Variants in ZNF438 observed in about 807,000 individuals in gnomAD.
ZNF438 encodes zinc finger protein 438.
Under a neutral mutation model 38.0 loss-of-function variants are expected in ZNF438, and 25 were observed. The ratio of observed to expected loss-of-function variants is 0.66; its 90% CI spans 0.48 to 0.92. ZNF438 has a LOEUF of 0.92. ZNF438 is among the 40% of genes least tolerant of loss of function. The pLI is 0.00. For missense variants in ZNF438, 1,007 were observed against 999.6 expected (o/e 1.01, Z -0.10); for synonymous variants, 372 against 364.1 (o/e 1.02, Z -0.25).
chr10:30,877,047 G>T, exon 4 of ZNF438: 3 of 1,598,290 alleles, frequency 1.9e-6, no homozygotes, highest in Non-Finnish European at 2.6e-6. Context: ...TGATGTACTG[G>T]ACTTGAATAG....
chr10:30,924,740 C>T (rs150190818), intron 2 of ZNF438, among the ~76,000 whole-genome samples: 3 of 152,002 alleles, frequency 2.0e-5, no homozygotes, highest in African/African-American at 4.8e-5. Context: ...CCCTGAAAGA[C>T]AAGAAAAGAT....
intron 1 of ZNF438, among the ~76,000 whole-genome samples, chr10:30,973,214 A>G (rs987322340): frequency 2.0e-5 from 3 of 152,160 alleles, no homozygotes; most frequent in African/African-American, 7.2e-5. Context: ...CACACATTCT[A>G]TTATTCTCCC....
intron 1 of ZNF438, among the ~76,000 whole-genome samples, chr10:30,992,838 C>A (rs904658405): frequency 6.6e-6 from 1 of 152,210 alleles, no homozygotes; most frequent in Non-Finnish European, 1.5e-5. Flanking sequence ...ATAAAGGCCA[C>A]ACTTGTCACA....
intron 1 of ZNF438, among the ~76,000 whole-genome samples, chr10:31,005,551 A>G (rs2055047686): frequency 6.6e-6 from 1 of 152,206 alleles, no homozygotes; most frequent in South Asian, 2.1e-4. Flanking sequence ...ACAAAGCTGC[A>G]GATACGCAGG....
chr10:30,850,359 T>C (rs767392937), exon 5 of ZNF438: 6 of 1,611,090 alleles, frequency 3.7e-6, no homozygotes, highest in East Asian at 2.2e-5. Context: ...GAAGGGATGT[T>C]TGATTCACCT....
chr10:31,025,170 AAAAAT>A (rs1005667472), intron 1 of ZNF438, among the ~76,000 whole-genome samples: 2 of 152,256 alleles, frequency 1.3e-5, no homozygotes, highest in African/African-American at 4.8e-5. Context: ...AAAAAAATAA[AAAAAT>A]AAAAAAGGAG....
intron 1 of ZNF438, among the ~76,000 whole-genome samples, chr10:30,989,467 T>C (rs1039863283): frequency 2.0e-5 from 3 of 152,218 alleles, no homozygotes; most frequent in Non-Finnish European, 2.9e-5. Flanking sequence ...ACCAGAATGA[T>C]ACATAACCCA....
At chr10:30,860,918 G>A (rs1175478356) in intron 4 of ZNF438, among the ~76,000 whole-genome samples, 2 of 152,136 alleles carry the variant, frequency 1.3e-5, no homozygotes, top group African/African-American at 4.8e-5. Context: ...GGGGGATGGG[G>A]CCCAGAGTGG....
chr10:30,880,875 A>G (rs1363872190), intron 3 of ZNF438, among the ~76,000 whole-genome samples: 1 of 151,510 alleles, frequency 6.6e-6, no homozygotes, highest in Non-Finnish European at 1.5e-5. Flanking sequence ...TTATAAAAGA[A>G]AACTACATGA....
At chr10:31,003,118 A>T (rs1589679530) in intron 1 of ZNF438, among the ~76,000 whole-genome samples, 1 of 152,148 alleles carries the variant, frequency 6.6e-6, no homozygotes. Context: ...AGATGTCACA[A>T]TGAGAGAGCA....
chr10:30,867,773 G>A (rs1183196433), intron 4 of ZNF438, among the ~76,000 whole-genome samples: 1 of 152,110 alleles, frequency 6.6e-6, no homozygotes, highest in Non-Finnish European at 1.5e-5. Flanking sequence ...AATATAACAT[G>A]GCAGATCAAT....
intron 3 of ZNF438, among the ~76,000 whole-genome samples, chr10:30,887,790 A>G (rs1485620028): frequency 1.3e-5 from 2 of 152,158 alleles, no homozygotes; most frequent in South Asian, 4.1e-4. Context: ...AAAATATATA[A>G]TATCATCTCA....
intron 1 of ZNF438, among the ~76,000 whole-genome samples, chr10:31,015,602 C>A (rs1452500602): frequency 6.6e-5 from 10 of 152,186 alleles, no homozygotes; most frequent in Non-Finnish European, 1.3e-4. Flanking sequence ...TGAGATCATG[C>A]CACTGCACTC....
intron 2 of ZNF438, among the ~76,000 whole-genome samples, chr10:30,934,014 C>T (rs536170110): frequency 2.8e-4 from 42 of 152,024 alleles, no homozygotes; most frequent in South Asian, 4.2e-4. Flanking sequence ...GGTGTGGTGG[C>T]GGGTGCCTGT....
chr10:30,860,168 G>A (rs140977843), intron 4 of ZNF438, among the ~76,000 whole-genome samples: 1 of 152,116 alleles, frequency 6.6e-6, no homozygotes, highest in Admixed American at 6.5e-5. Context: ...GTAGGTCATC[G>A]GACCCGCATT....
chr10:30,915,064 T>C (rs1182949322), intron 2 of ZNF438, among the ~76,000 whole-genome samples: 1 of 152,006 alleles, frequency 6.6e-6, no homozygotes. Flanking sequence ...GACACCCCAA[T>C]CCTTTGAAAA....
chr10:30,869,518 T>C lies in ZNF438; in HGVS notation c.37+7480A>G, dbSNP rs562333426. Among the ~76,000 whole-genome samples, 589 of 152,374 alleles carry C rather than the reference T, an allele frequency of 3.9e-3. 7 individuals are homozygous for C. Among genetic ancestry groups the C allele is most frequent in the African/African-American group, 0.013 (552 of 41,590 alleles). On this transcript the variant is annotated intron_variant, in intron 4 of 5. Coordinates refer to ENST00000413025, the Ensembl canonical transcript of ZNF438. ...CAACTTCCATATATGGCTGGTCTAC[T>C]TTATGGTTTTAGGCCACCCAGGTCA...
chr10:30,848,768 C>T (rs766481201), exon 5 of ZNF438: 77 of 1,614,106 alleles, frequency 4.8e-5, no homozygotes, highest in South Asian at 6.6e-5. Flanking sequence ...GCTGCCAGGA[C>T]GTACATAGGA....
chr10:30,859,321 A>T (rs933747572), intron 4 of ZNF438, among the ~76,000 whole-genome samples: 1 of 152,050 alleles, frequency 6.6e-6, no homozygotes, highest in African/African-American at 2.4e-5. Flanking sequence ...TAAGCAATCC[A>T]CCTGCCTCAG....
Sources: allele counts gnomAD v4.1 joint callset (sites outside exome capture counted in the v4.1 genomes callset), GRCh38; gene constraint gnomAD v4.1.1; transcripts MANE v1.5; gene names NCBI Gene and HGNC (gene_info 2026-07-23, HGNC 2026-07-21).